BCKDHA: variants seen among roughly 807,000 people sequenced by gnomAD.
The protein encoded by BCKDHA is branched chain keto acid dehydrogenase E1 subunit alpha.
A neutral mutation model predicts 52.2 loss-of-function variants in BCKDHA; 43 were observed. The ratio of observed to expected loss-of-function variants is 0.82; its 90% CI spans 0.64 to 1.06. The LOEUF is 1.06. Among genes scored for constraint, BCKDHA ranks in the 50% least tolerant of loss-of-function variants. BCKDHA has a pLI of 0.00. For missense variants in BCKDHA, 527 were observed against 621.3 expected (o/e 0.85, Z 1.61); for synonymous variants, 234 against 247.9 (o/e 0.94, Z 0.53).
At chr19:41,422,884 C>T (rs758109604) in intron 7 of BCKDHA, 114 bp downstream of exon 7, 4 of 1,583,472 alleles carry the variant, frequency 2.5e-6, no homozygotes, top group Admixed American at 3.5e-5. Flanking sequence ...GTTGCATCTC[C>T]CCCTTGCCTT....
At chr19:41,418,091 C>CA (rs66838098) in intron 4 of BCKDHA, among the ~76,000 whole-genome samples, 378 of 71,680 alleles carry the variant, frequency 5.3e-3, no homozygotes, top group East Asian at 9.0e-3. Flanking sequence ...GACTCTGTCT[C>CA]AAAAAAAAAA....
chr19:41,410,845 G>GC (rs2039244896), intron 2 of BCKDHA, 29 bp downstream of exon 2: 3 of 1,613,572 alleles, frequency 1.9e-6, no homozygotes, highest in East Asian at 2.2e-5. Context: ...CACTTCCCGT[G>GC]CCCCCCACGC....
chr19:41,406,351 C>T (rs1315462152), intron 1 of BCKDHA, among the ~76,000 whole-genome samples: 2 of 152,124 alleles, frequency 1.3e-5, no homozygotes, highest in Non-Finnish European at 2.9e-5. Context: ...ATGCCGTCTC[C>T]CCTGTGCCTC....
chr19:41,420,580 G>C (rs377720385), intron 5 of BCKDHA, among the ~76,000 whole-genome samples: 1 of 135,106 alleles, frequency 7.4e-6, no homozygotes, highest in African/African-American at 3.0e-5. Flanking sequence ...GCCAAAGTGA[G>C]ATCCTGTCTC....
chr19:41,421,876 G>C lies in BCKDHA; in HGVS notation c.647-288G>C, dbSNP rs962251359. ...GCAGAGGAGGAGGTAAGAGGGGTTA[G>C]GTTCTGAAGGTGGAGTAGATGTGGA... On this transcript the variant is annotated intron_variant, in intron 5 of 8. Coordinates refer to ENST00000269980, the MANE Select transcript of BCKDHA (RefSeq NM_000709.4). Among the ~76,000 whole-genome samples, 3 of 152,122 alleles carry C rather than the reference G, an allele frequency of 2.0e-5. No homozygotes were observed. The East Asian group carries it at 5.8e-4, about 29-fold the overall frequency.
At chr19:41,415,415 A>G (rs1174760462) in intron 4 of BCKDHA, 1 of 152,272 alleles carries the variant, frequency 6.6e-6, no homozygotes, top group African/African-American at 2.4e-5. Context: ...CTCTGCAAGA[A>G]TGACTGTCCA....
rs34541442 is a variant in BCKDHA at position 41,397,861 on chromosome 19, C to A, written c.34C>A (p.Arg12=). ...AGCGATCGCTGCAGCGAGGGTCTGG[C>A]GGCTAAACCGTGGTTTGAGCCAGGC... ...AVAIAAARVW[R]LNRGLSQAAL... Residue 12 remains arginine (R), a synonymous_variant, in exon 1 of 9, where the codon CGG becomes AGG. Coordinates refer to ENST00000269980, the MANE Select transcript of BCKDHA (RefSeq NM_000709.4). 0.012 allele frequency: 19,818 copies of A among 1,614,172 alleles called. 165 individuals carry two copies. The highest frequency in any genetic ancestry group is 0.018 in the Middle Eastern group (107 of 6,060).
At chr19:41,418,423 CA>C (rs1237377950) in intron 4 of BCKDHA, among the ~76,000 whole-genome samples, 1 of 152,114 alleles carries the variant, frequency 6.6e-6, no homozygotes. Flanking sequence ...GGGTGTTCAC[CA>C]GAGGTTTTGT....
intron 4 of BCKDHA, among the ~76,000 whole-genome samples, chr19:41,414,860 T>C (rs10409485): frequency 0.66 from 99,788 of 151,964 alleles, 33,830 homozygotes; most frequent in African/African-American, 0.82. Context: ...CAGGAAGGCA[T>C]ATCTTAACCC....
intron 1 of BCKDHA, among the ~76,000 whole-genome samples, chr19:41,407,149 TTC>T (rs756565546): frequency 1.2e-4 from 19 of 152,338 alleles, no homozygotes; most frequent in Middle Eastern, 6.8e-3. Context: ...GATTTTGTTT[TTC>T]TCTCTCTTAC....
At chr19:41,419,325 A>T (rs1310782467) in intron 5 of BCKDHA, 29 bp downstream of exon 5, 13 of 1,597,906 alleles carry the variant, frequency 8.1e-6, no homozygotes, top group Non-Finnish European at 1.1e-5. Context: ...TACCTTGCAC[A>T]TGTGCAGACC....
At chr19:41,398,462 C>T (rs996314917) in intron 1 of BCKDHA, among the ~76,000 whole-genome samples, 4 of 152,176 alleles carry the variant, frequency 2.6e-5, no homozygotes, top group Admixed American at 2.0e-4. Flanking sequence ...TGTTTGATTC[C>T]TGTGTCTCTT....
rs532662623 is a variant in BCKDHA, at chr19:41,403,682, A to T, written c.108+5747A>T. ...GTGCTTCCTGGAGGGGTACTATCTG[A>T]TCCTAGCTGGTGAGGCATTCCTGCC... On this transcript the variant is annotated intron_variant, in intron 1 of 8. Coordinates refer to ENST00000269980, the MANE Select transcript of BCKDHA (RefSeq NM_000709.4). Among the ~76,000 whole-genome samples the T allele has an allele frequency of 1.0e-3, 152 of 151,962 alleles. 2 individuals are homozygous for T. The highest frequency in any genetic ancestry group is 3.5e-3 in the African/African-American group (147 of 41,454).
rs144705584 is a variant in BCKDHA, at chr19:41,423,315, C to A, written c.1167+146C>A. On this transcript the variant is annotated intron_variant, in intron 8 of 8. Transcript: ENST00000269980. ...GGCCTGTGGAGCCAGGCTGCTGGGG[C>A]CATGTGTGTCCTGGCTCTGTGTCCT... 4.8e-3 allele frequency: 6,083 copies of A among 1,273,476 alleles called. 24 individuals carry two copies. The highest frequency in any genetic ancestry group is 8.2e-3 in the Admixed American group (300 of 36,792). 78.9% of individuals were successfully genotyped at this position (1,273,476 alleles called of 1,614,324 possible).
chr19:41,420,168 A>G (rs2039349073), intron 5 of BCKDHA, among the ~76,000 whole-genome samples: 2 of 152,036 alleles, frequency 1.3e-5, no homozygotes, highest in South Asian at 4.1e-4. Flanking sequence ...GTGTGACCAC[A>G]CTCTGGATTT....
chr19:41,409,798 ATT>A (rs10565264), intron 1 of BCKDHA, among the ~76,000 whole-genome samples: 3,551 of 108,832 alleles, frequency 0.033, 111 homozygotes, highest in African/African-American at 0.12. Context: ...CCTCTAAGGG[ATT>A]TTTTTTTTTT....
intron 4 of BCKDHA, among the ~76,000 whole-genome samples, chr19:41,417,411 C>G (rs2039317582): frequency 6.6e-6 from 1 of 152,160 alleles, no homozygotes; most frequent in Admixed American, 6.5e-5. Context: ...TTCCAAGGTC[C>G]TGTATCAGTC....
Position 41,397,917 on chromosome 19 carries a change from T to C in BCKDHA, c.90T>C (p.Ala30=). The C allele has an allele frequency of 6.2e-7, 1 of 1,614,030 alleles. No individual in the cohort carries two copies. The highest frequency in any genetic ancestry group is 1.3e-5 in the African/African-American group (1 of 75,044). ...AALLLLRQPG[A]RGLARSHPPR... is the part of the protein sequence containing the mutation. ...TCCTGCTGCTGCGGCAGCCTGGGGC[T>C]CGGGGACTGGCTAGATCTGTGAGTA... The change falls in exon 1 of 9, where the codon GCT becomes GCC. Residue 30 remains alanine, a synonymous_variant. Transcript: ENST00000269980.
chr19:41,409,957 C>T (rs2039233876), intron 1 of BCKDHA, among the ~76,000 whole-genome samples: 1 of 152,110 alleles, frequency 6.6e-6, no homozygotes, highest in African/African-American at 2.4e-5. Context: ...TGTGCCACCA[C>T]ATCCGGCTAA....
Sources: allele counts gnomAD v4.1 joint callset (sites outside exome capture counted in the v4.1 genomes callset), GRCh38; gene constraint gnomAD v4.1.1; transcripts MANE v1.5; gene names NCBI Gene and HGNC (gene_info 2026-07-23, HGNC 2026-07-21).